DPRX: variants seen among roughly 807,000 people sequenced by gnomAD.
DPRX encodes divergent paired-related homeobox.
In DPRX, 11 loss-of-function variants were observed where a neutral mutation model predicts 8.4. The observed-to-expected ratio is 1.31, with a 90% CI of 0.82 to 2.17. The LOEUF (loss-of-function observed/expected upper bound fraction) is 2.17, where lower values mean the gene tolerates loss of function less well. DPRX is among the 30% of genes most tolerant of loss of function. The pLI is 0.00. For missense variants in DPRX, 211 were observed against 236.7 expected, an observed-to-expected ratio of 0.89 and a Z score of 0.71; for synonymous variants, 72 against 87.0, an observed-to-expected ratio of 0.83 and a Z score of 0.96.
the DPRX span, among the ~76,000 whole-genome samples, chr19:53,605,596 G>C: frequency 6.6e-6 from 1 of 151,688 alleles, no homozygotes; most frequent in South Asian, 2.1e-4. Flanking sequence ...CCCAAAGTAC[G>C]GGGGTTACAG....
upstream of DPRX, among the ~76,000 whole-genome samples, chr19:53,628,122 G>A (rs2091078134): frequency 6.6e-6 from 1 of 151,918 alleles, no homozygotes; most frequent in Non-Finnish European, 1.5e-5. Context: ...AGGATAAGGG[G>A]CAAAAGTATA....
chr19:53,632,450 G>A (rs1236658022), intron 1 of DPRX, among the ~76,000 whole-genome samples: 1 of 146,722 alleles, frequency 6.8e-6, no homozygotes, highest in African/African-American at 2.5e-5. Context: ...ACAGGCACAC[G>A]CCACCACACC....
At chr19:53,607,472 G>C in the DPRX span, among the ~76,000 whole-genome samples, 1 of 152,258 alleles carries the variant, frequency 6.6e-6, no homozygotes, top group African/African-American at 2.4e-5. Flanking sequence ...TTGAGCCTGG[G>C]AGGTAGAGGC....
chr19:53,616,898 C>T, the DPRX span: 2 of 1,487,228 alleles, frequency 1.3e-6, no homozygotes. Context: ...TTGGCCATGA[C>T]TATGTATGCT....
At chr19:53,608,186 A>AG in the DPRX span, 86 of 142,658 alleles carry the variant, frequency 6.0e-4, no homozygotes, top group Admixed American at 3.2e-3. Context: ...AAAAAAGTAA[A>AG]TAAATAAATA....
At chr19:53,616,823 T>C in the DPRX span, 1 of 1,600,120 alleles carries the variant, frequency 6.2e-7, no homozygotes, top group Non-Finnish European at 8.6e-7. Context: ...TTGTACCGTG[T>C]CCCGTTCTTA....
At chr19:53,612,737 C>G in the DPRX span, among the ~76,000 whole-genome samples, 1 of 151,914 alleles carries the variant, frequency 6.6e-6, no homozygotes, top group Non-Finnish European at 1.5e-5. Flanking sequence ...AAGACCCCCT[C>G]TCTATGTTAA....
At chr19:53,616,764 GA>G in the DPRX span, 187 of 1,503,622 alleles carry the variant, frequency 1.2e-4, no homozygotes, top group Middle Eastern at 1.8e-4. Flanking sequence ...CAAAAAATAA[GA>G]AAAAATAGAG....
chr19:53,601,971 T>C, the DPRX span: 1 of 453,330 alleles, frequency 2.2e-6, no homozygotes, highest in Non-Finnish European at 4.4e-6. Context: ...CTCAGGAGGG[T>C]GGTGTGGGGA....
chr19:53,630,223 A>C (rs1158668864), upstream of DPRX, among the ~76,000 whole-genome samples: 1 of 151,464 alleles, frequency 6.6e-6, no homozygotes, highest in African/African-American at 2.4e-5. Flanking sequence ...AAAAAAAAAA[A>C]AAAAAACTTT....
intron 1 of DPRX, among the ~76,000 whole-genome samples, chr19:53,632,798 A>G (rs997506170): frequency 6.6e-6 from 1 of 152,074 alleles, no homozygotes; most frequent in Non-Finnish European, 1.5e-5. Flanking sequence ...TCTGCCTTCA[A>G]ATCCGAAATC....
chr19:53,624,846 AAAG>A, the DPRX span, among the ~76,000 whole-genome samples: 1 of 45,954 alleles, frequency 2.2e-5, no homozygotes. Context: ...AAAAAAAAAG[AAAG>A]AAAGAAAGAA....
chr19:53,605,665 ATTATT>A, the DPRX span, among the ~76,000 whole-genome samples: 6 of 151,428 alleles, frequency 4.0e-5, no homozygotes, highest in African/African-American at 4.8e-5. Flanking sequence ...ATTTATTTTA[ATTATT>A]TTATTTTATT....
the DPRX span, among the ~76,000 whole-genome samples, chr19:53,617,435 G>A: frequency 6.6e-6 from 1 of 151,950 alleles, no homozygotes; most frequent in Admixed American, 6.6e-5. Flanking sequence ...ACACATGTCT[G>A]TAATCCCAGC....
upstream of DPRX, among the ~76,000 whole-genome samples, chr19:53,628,521 G>A (rs774910555): frequency 4.6e-5 from 7 of 151,862 alleles, no homozygotes; most frequent in African/African-American, 1.7e-4. Context: ...AAAAATAAGC[G>A]GTTCGGTGGC....
chr19:53,605,001 C>T, the DPRX span, among the ~76,000 whole-genome samples: 1 of 152,032 alleles, frequency 6.6e-6, no homozygotes, highest in Non-Finnish European at 1.5e-5. Context: ...CGAATATGTA[C>T]AATTATTGTG....
upstream of DPRX, among the ~76,000 whole-genome samples, chr19:53,629,138 A>G (rs1036882554): frequency 2.0e-5 from 3 of 151,394 alleles, no homozygotes; most frequent in African/African-American, 7.3e-5. Flanking sequence ...ACATGGTGAA[A>G]CCAGGTCTCT....
the DPRX span, among the ~76,000 whole-genome samples, chr19:53,603,015 GTGTA>G: frequency 2.2e-5 from 3 of 138,830 alleles, no homozygotes; most frequent in Admixed American, 1.4e-4. Context: ...GTGTGTGTGT[GTGTA>G]TATATGTGTG....
At chr19:53,636,958 C>T in exon 3 of DPRX, 1 of 1,609,316 alleles carries the variant, frequency 6.2e-7, no homozygotes, top group South Asian at 1.1e-5. Context: ...GCTCTCCTGC[C>T]TGTTCATCTA....
Sources: allele counts gnomAD v4.1 joint callset (sites outside exome capture counted in the v4.1 genomes callset), GRCh38; gene constraint gnomAD v4.1.1; transcripts MANE v1.5; gene names NCBI Gene and HGNC (gene_info 2026-07-23, HGNC 2026-07-21).